The following GLI2 variants were observed in gnomAD, a reference collection of about 807,000 sequenced individuals.
GLI2 encodes GLI family zinc finger 2.
GLI2 carries 22 observed loss-of-function variants against 78.9 expected under a neutral mutation model. That is an observed-to-expected ratio of 0.28 (90% CI 0.20 to 0.40). GLI2 has a LOEUF of 0.40. GLI2 is among the 10% of genes least tolerant of loss of function. GLI2 has a pLI of 1.00. For missense variants in GLI2, 2,097 were observed against 2,213.2 expected, an observed-to-expected ratio of 0.95 and a Z score of 1.05; for synonymous variants, 974 against 963.7, an observed-to-expected ratio of 1.01 and a Z score of -0.20.
At chr2:120,894,748 G>A (rs1677861666) in intron 2 of GLI2, among the ~76,000 whole-genome samples, 1 of 149,376 alleles carries the variant, frequency 6.7e-6, no homozygotes, top group Non-Finnish European at 1.5e-5. Flanking sequence ...GCCCAGGCTG[G>A]AGCGCAGTGG....
At chr2:120,835,263 G>A (rs986832336) in intron 2 of GLI2, among the ~76,000 whole-genome samples, 4 of 152,084 alleles carry the variant, frequency 2.6e-5, no homozygotes, top group African/African-American at 9.7e-5. Flanking sequence ...CAGGAGCTGA[G>A]CACAACCAAT....
rs1388900287 is a variant in GLI2 at position 120,990,385 on chromosome 2, C to T, written c.4420C>T (p.Pro1474Ser). 2 of 1,614,120 alleles carry T rather than the reference C, an allele frequency of 1.2e-6. No homozygotes were observed. The highest frequency in any genetic ancestry group is 1.7e-6 in the Non-Finnish European group (2 of 1,180,028). ...CATCCAGCCCCAGCCCTTGCCCTCA[C>T]CAGGGGTCAACCAGGTGTCCAGCAC... is the stretch of plus-strand genomic sequence containing the variant. ...DSIQPQPLPS[P>S]GVNQVSSTVD... Residue 1474 changes from proline (P) to serine (S), a missense_variant, in exon 14 of 14, where the codon CCA (proline) becomes TCA (serine). Pro to Ser is a moderately conservative substitution (Grantham distance 74). This residue lies in a region of GLI2 where 1,290 missense variants were observed against 1,261.7 expected (regional missense o/e 1.02). Transcript: ENST00000361492.
intron 3 of GLI2, among the ~76,000 whole-genome samples, chr2:120,931,822 C>T (rs1016972198): frequency 6.6e-6 from 1 of 152,166 alleles, no homozygotes; most frequent in African/African-American, 2.4e-5. Flanking sequence ...GTGCAGATCT[C>T]CTCCCCAGCC....
At chr2:120,948,875 T>C (rs1444294497) in intron 3 of GLI2, among the ~76,000 whole-genome samples, 1 of 152,148 alleles carries the variant, frequency 6.6e-6, no homozygotes, top group Non-Finnish European at 1.5e-5. Flanking sequence ...TCTGGGAACC[T>C]GCCGTGCCTG....
intron 2 of GLI2, among the ~76,000 whole-genome samples, chr2:120,898,469 G>A (rs766205424): frequency 6.6e-6 from 1 of 152,160 alleles, no homozygotes; most frequent in Non-Finnish European, 1.5e-5. Context: ...ATTGGGGTGC[G>A]TTTGTCTTTC....
chr2:120,915,910 C>G (rs371001529), intron 2 of GLI2, among the ~76,000 whole-genome samples: 10 of 152,342 alleles, frequency 6.6e-5, no homozygotes, highest in East Asian at 3.9e-4. Context: ...ATGTCTCCCC[C>G]ACTCCCGCCT....
chr2:120,840,874 A>G (rs980586758), intron 2 of GLI2, among the ~76,000 whole-genome samples: 1 of 152,090 alleles, frequency 6.6e-6, no homozygotes, highest in African/African-American at 2.4e-5. Context: ...CATGGTCGCT[A>G]AAAAGAGATC....
At chr2:120,933,011 C>T (rs2104889295) in intron 3 of GLI2, among the ~76,000 whole-genome samples, 1 of 152,228 alleles carries the variant, frequency 6.6e-6, no homozygotes, top group South Asian at 2.1e-4. Flanking sequence ...TTTCAGGCAG[C>T]TACAGCAGTA....
At chr2:120,928,169 A>G (rs1679781820) in intron 3 of GLI2, among the ~76,000 whole-genome samples, 1 of 151,864 alleles carries the variant, frequency 6.6e-6, no homozygotes. Context: ...TGCTCCCCGC[A>G]CCTGCCTCCA....
At chr2:120,933,865 TGCC>T (rs1680066642) in intron 3 of GLI2, among the ~76,000 whole-genome samples, 3 of 147,698 alleles carry the variant, frequency 2.0e-5, no homozygotes, top group African/African-American at 7.4e-5. Context: ...TGCCCTGCCC[TGCC>T]CTGCCCTGCC....
chr2:120,847,114 T>G (rs1430125336), intron 2 of GLI2, among the ~76,000 whole-genome samples: 1 of 151,942 alleles, frequency 6.6e-6, no homozygotes, highest in Non-Finnish European at 1.5e-5. Context: ...GGGCAACCAA[T>G]CATCCGGGTT....
At chr2:120,944,186 C>A (rs1430404174) in intron 3 of GLI2, among the ~76,000 whole-genome samples, 1 of 152,140 alleles carries the variant, frequency 6.6e-6, no homozygotes, top group East Asian at 1.9e-4. Context: ...TTATCTCCCA[C>A]CAAAAATCTC....
intron 1 of GLI2, among the ~76,000 whole-genome samples, chr2:120,756,690 G>A (rs1308316742): frequency 1.3e-5 from 2 of 152,162 alleles, no homozygotes; most frequent in Non-Finnish European, 2.9e-5. Context: ...GTTATTAGGT[G>A]CATAGATGTT....
At chr2:120,956,287 G>A (rs184187285) in intron 5 of GLI2, among the ~76,000 whole-genome samples, 2 of 152,226 alleles carry the variant, frequency 1.3e-5, no homozygotes, top group East Asian at 3.9e-4. Flanking sequence ...TTTGAAGGAT[G>A]GAGTAGTAAC....
intron 1 of GLI2, among the ~76,000 whole-genome samples, chr2:120,774,745 G>A (rs1276854568): frequency 6.6e-6 from 1 of 152,198 alleles, no homozygotes; most frequent in Non-Finnish European, 1.5e-5. Flanking sequence ...GTGTGCTCCA[G>A]TTTGCCACAG....
chr2:120,955,181 T>TG, intron 4 of GLI2, 64 bp from the exon 5 acceptor site: 2 of 531,602 alleles, frequency 3.8e-6, no homozygotes, highest in Admixed American at 3.4e-5. Flanking sequence ...TTTTTTTTTT[T>TG]GGCAGGAGAA....
At chr2:120,797,216 G>A (rs1006103477) in intron 1 of GLI2, 75 bp from the exon 2 acceptor site, 60 of 1,073,316 alleles carry the variant, frequency 5.6e-5, no homozygotes, top group Non-Finnish European at 7.5e-5. Context: ...AGCGAGCGGC[G>A]GTGTGAATCT....
At chr2:120,890,951 T>G (rs1414702171) in intron 2 of GLI2, among the ~76,000 whole-genome samples, 2 of 152,228 alleles carry the variant, frequency 1.3e-5, no homozygotes, top group Non-Finnish European at 2.9e-5. Flanking sequence ...TCTTGGAGTT[T>G]GCATCTTGGG....
At chr2:120,901,287 TAA>T (rs1199798355) in intron 2 of GLI2, among the ~76,000 whole-genome samples, 1 of 152,206 alleles carries the variant, frequency 6.6e-6, no homozygotes, top group Non-Finnish European at 1.5e-5. Flanking sequence ...TGGCGGGATC[TAA>T]AGAGGCATCA....
Sources: gnomAD v4.1 joint callset for allele counts (sites outside exome capture counted in the v4.1 genomes callset) on GRCh38, gnomAD v4.1.1 for gene constraint, gnomAD v4.1.1 regional missense constraint, MANE v1.5 for transcripts, NCBI Gene and HGNC (gene_info 2026-07-23, HGNC 2026-07-21) for gene names.